ACOT7: variants seen among roughly 807,000 people sequenced by gnomAD.
The protein encoded by ACOT7 is acyl-CoA thioesterase 7, also known as cytosolic acyl coenzyme A thioester hydrolase.
Under a neutral mutation model 40.2 loss-of-function variants are expected in ACOT7, and 12 were observed. The ratio of observed to expected loss-of-function variants is 0.30; its 90% CI spans 0.19 to 0.48. ACOT7 has a LOEUF of 0.48. Ranked by LOEUF, ACOT7 falls within the 20% of genes least tolerant of loss-of-function variation. The pLI is 0.99. For missense variants in ACOT7, 395 were observed against 530.8 expected, an observed-to-expected ratio of 0.74 and a Z score of 2.51; for synonymous variants, 228 against 219.5, an observed-to-expected ratio of 1.04 and a Z score of -0.34.
At chr1:6,393,213 CGGCGCGCCTGGCCG>C in intron 1 of ACOT7, 30 bp downstream of exon 1, 1 of 1,252,724 alleles carries the variant, frequency 8.0e-7, no homozygotes. Flanking sequence ...GGGCGGTGAC[CGGCGCGCCTGGCCG>C]CTGCAGGCTG....
intron 1 of ACOT7, among the ~76,000 whole-genome samples, chr1:6,387,228 C>T (rs975014012): frequency 3.3e-5 from 5 of 152,020 alleles, no homozygotes; most frequent in African/African-American, 9.7e-5. Flanking sequence ...CAACTGGGCC[C>T]GCCACTACTC....
intron 7 of ACOT7, among the ~76,000 whole-genome samples, chr1:6,291,306 G>A (rs1048719399): frequency 1.3e-5 from 2 of 152,062 alleles, no homozygotes; most frequent in African/African-American, 4.8e-5. Context: ...CAGAAGAGGA[G>A]AGACACACAG....
chr1:6,291,376 C>A (rs1639659310), intron 7 of ACOT7, among the ~76,000 whole-genome samples: 1 of 151,982 alleles, frequency 6.6e-6, no homozygotes. Context: ...AGCCAAGAAA[C>A]GTCAAGGAAC....
In ACOT7 at chr1:6,384,421, T is replaced by C. The variant is rs566884052; in HGVS notation, c.143+8836A>G. On this transcript the variant is annotated intron_variant, in intron 1 of 8. Transcript: ENST00000361521. ...TTACACTGCTGGTGGGAATGTGAAA[T>C]GGTGCAGCCACTTTGGAAACAGTCT... is the stretch of plus-strand genomic sequence containing the variant. 8.6e-5 allele frequency among the ~76,000 whole-genome samples: 13 copies of C among 151,974 alleles called. No individual in the cohort carries two copies. The East Asian group carries it at 2.5e-3, about 29-fold the overall frequency.
chr1:6,298,763 C>T (rs901369580), intron 6 of ACOT7, among the ~76,000 whole-genome samples: 1 of 152,226 alleles, frequency 6.6e-6, no homozygotes, highest in Non-Finnish European at 1.5e-5. Context: ...TGGCAAGGGG[C>T]CTCCATAAAG....
chr1:6,377,089 C>G lies in ACOT7; in HGVS notation c.143+16168G>C, dbSNP rs1224432153. Among the ~76,000 whole-genome samples, 7 of 152,298 alleles carry G rather than the reference C, an allele frequency of 4.6e-5. No homozygotes were observed. The East Asian group carries it at 1.4e-3, about 29-fold the overall frequency. On this transcript the variant is annotated intron_variant, in intron 1 of 8. Coordinates refer to ENST00000361521, the MANE Select transcript of ACOT7 (RefSeq NM_007274.4). Reference sequence around the variant, plus strand: ...CCCAAAGTACTGACAACATCAAATGCTGGTGAGGATGTGGAGCACAGGAGC... The same window carrying G: ...CCCAAAGTACTGACAACATCAAATGGTGGTGAGGATGTGGAGCACAGGAGC...
intron 7 of ACOT7, among the ~76,000 whole-genome samples, chr1:6,284,863 G>A (rs889420920): frequency 2.6e-5 from 4 of 152,116 alleles, no homozygotes; most frequent in South Asian, 2.1e-4. Context: ...TGGCCCCCGT[G>A]GTCTCTCCCT....
At position 6,294,991 on chromosome 1, in the gene ACOT7, A is replaced by G. The variant is rs763302103; in HGVS notation, c.713-11T>C. The G allele has an allele frequency of 1.9e-6, 3 of 1,602,342 alleles. No individual in the cohort carries two copies. Among genetic ancestry groups the G allele is most frequent in the Non-Finnish European group, 2.6e-6 (3 of 1,169,806 alleles). On this transcript the variant is annotated splice_polypyrimidine_tract_variant and intron_variant, in intron 6 of 8. Transcript: ENST00000361521. This position sits in a 1 kb window ranked among gnomAD's most constrained non-coding sequence, Gnocchi z 4.6. ...GCTTCATGGTCACACCTGCGGAGAA[A>G]GGGACATGCGGCAGATGAGACACGG...
At chr1:6,373,303 T>G (rs1339005439) in intron 1 of ACOT7, among the ~76,000 whole-genome samples, 1 of 151,490 alleles carries the variant, frequency 6.6e-6, no homozygotes, top group Non-Finnish European at 1.5e-5. Flanking sequence ...CAGGCTAGAG[T>G]GTAGTGGCAT....
At chr1:6,286,958 T>C (rs1279366319) in intron 7 of ACOT7, among the ~76,000 whole-genome samples, 1 of 152,166 alleles carries the variant, frequency 6.6e-6, no homozygotes, top group East Asian at 1.9e-4. Flanking sequence ...AGCTAATTTT[T>C]TGTATTTTTA....
At chr1:6,305,591 G>A (rs1468778048) in intron 6 of ACOT7, among the ~76,000 whole-genome samples, 5 of 151,588 alleles carry the variant, frequency 3.3e-5, no homozygotes, top group African/African-American at 1.2e-4. Context: ...ATCCCAGACG[G>A]GGCGGCAGGG....
intron 6 of ACOT7, among the ~76,000 whole-genome samples, chr1:6,317,202 T>A (rs1640519347): frequency 6.6e-6 from 1 of 152,234 alleles, no homozygotes; most frequent in Non-Finnish European, 1.5e-5. Flanking sequence ...CTGCTCTCAC[T>A]GATACCACTT....
At chr1:6,271,197 G>A (rs1002174118) in intron 8 of ACOT7, among the ~76,000 whole-genome samples, 2 of 152,216 alleles carry the variant, frequency 1.3e-5, no homozygotes, top group Admixed American at 6.5e-5. Context: ...TGCATTTTCT[G>A]TGCTTGGAGA....
At chr1:6,365,023 C>CA (rs200329900) in intron 1 of ACOT7, among the ~76,000 whole-genome samples, 67 of 140,682 alleles carry the variant, frequency 4.8e-4, no homozygotes, top group Admixed American at 1.3e-3. Context: ...GACTCCGTCT[C>CA]AAAAAAAAAA....
intron 8 of ACOT7, among the ~76,000 whole-genome samples, chr1:6,270,984 G>C (rs912503210): frequency 2.6e-5 from 4 of 152,132 alleles, no homozygotes; most frequent in Admixed American, 6.5e-5. Flanking sequence ...CTCCCTCCCT[G>C]GTGCTCAGGG....
At chr1:6,388,414 CTTTCT>C (rs1003582409) in intron 1 of ACOT7, among the ~76,000 whole-genome samples, 1 of 150,644 alleles carries the variant, frequency 6.6e-6, no homozygotes, top group African/African-American at 2.4e-5. Context: ...TGGCCAGGTT[CTTTCT>C]TTTCATTAAT....
rs531728808 is a variant in ACOT7, at chr1:6,338,778, G to A, written c.418+655C>T. ...CTGGGAGGTGGCAGGGAGAGGACCA[G>A]GGGCAGGGGAAGAGGCCCGCCTTCC... is the stretch of plus-strand genomic sequence containing the variant. On this transcript the variant is annotated intron_variant, in intron 3 of 8. Transcript: ENST00000361521. This position sits in a 1 kb window ranked among gnomAD's most constrained non-coding sequence, Gnocchi z 4.4. Among the ~76,000 whole-genome samples, 2 of 152,200 alleles carry A rather than the reference G, an allele frequency of 1.3e-5. No individual in the cohort carries two copies. Among genetic ancestry groups the A allele is most frequent in the East Asian group, 1.9e-4 (1 of 5,168 alleles).
chr1:6,314,615 G>A (rs907528263), intron 6 of ACOT7, among the ~76,000 whole-genome samples: 3 of 151,958 alleles, frequency 2.0e-5, no homozygotes, highest in African/African-American at 7.3e-5. Context: ...GGGAGAACAG[G>A]GGGTAACTGG....
chr1:6,323,706 A>C (rs1389196045), intron 5 of ACOT7, among the ~76,000 whole-genome samples: 1 of 122,602 alleles, frequency 8.2e-6, no homozygotes, highest in Admixed American at 9.2e-5. Flanking sequence ...CAACAGAGTG[A>C]GACTTGTCTC....
Sources: allele counts gnomAD v4.1 joint callset (sites outside exome capture counted in the v4.1 genomes callset), GRCh38; gene constraint gnomAD v4.1.1; non-coding constraint Gnocchi (gnomAD v3.1); transcripts MANE v1.5; gene names NCBI Gene and HGNC (gene_info 2026-07-23, HGNC 2026-07-21).